NDUFAF5: variants seen among roughly 807,000 people sequenced by gnomAD.
NDUFAF5 encodes arginine-hydroxylase NDUFAF5, mitochondrial.
Under a neutral mutation model 48.9 loss-of-function variants are expected in NDUFAF5, and 34 were observed. The observed-to-expected ratio is 0.70, with a 90% CI of 0.53 to 0.93. The LOEUF (loss-of-function observed/expected upper bound fraction) is 0.93. Ranked by LOEUF, NDUFAF5 falls within the 40% of genes least tolerant of loss-of-function variation. The pLI is 0.00. For missense variants in NDUFAF5, 428 were observed against 427.5 expected (o/e 1.00, Z -0.01); for synonymous variants, 153 against 150.6 (o/e 1.02, Z -0.12).
chr20:13,815,209 G>A (rs1600393362), intron 8 of NDUFAF5, among the ~76,000 whole-genome samples: 1 of 152,138 alleles, frequency 6.6e-6, no homozygotes, highest in African/African-American at 2.4e-5. Flanking sequence ...CACCATACCT[G>A]AGCCAACAGA....
chr20:13,815,707 T>C (rs1200301075), intron 8 of NDUFAF5, among the ~76,000 whole-genome samples: 1 of 152,204 alleles, frequency 6.6e-6, no homozygotes, highest in Non-Finnish European at 1.5e-5. Flanking sequence ...AGAGAATACA[T>C]ATGAAGGATT....
chr20:13,786,332 T>C (rs189766833), intron 1 of NDUFAF5, among the ~76,000 whole-genome samples: 8 of 152,308 alleles, frequency 5.3e-5, no homozygotes, highest in African/African-American at 1.9e-4. Flanking sequence ...AATAAATTTT[T>C]TGTGTCTCAC....
At chr20:13,802,262 A>G (rs1031317830) in intron 7 of NDUFAF5, among the ~76,000 whole-genome samples, 1 of 152,222 alleles carries the variant, frequency 6.6e-6, no homozygotes, top group Admixed American at 6.5e-5. Flanking sequence ...GTGACGGGGT[A>G]GGACAGTAGG....
chr20:13,814,608 C>A, intron 8 of NDUFAF5: 1 of 596,498 alleles, frequency 1.7e-6, no homozygotes, highest in Non-Finnish European at 2.7e-6. Flanking sequence ...TTGAACTTCA[C>A]CTTAAAAACA....
intron 7 of NDUFAF5, among the ~76,000 whole-genome samples, chr20:13,806,489 C>T (rs1387387898): frequency 6.6e-6 from 1 of 151,870 alleles, no homozygotes; most frequent in Non-Finnish European, 1.5e-5. Context: ...AGCCTGGGCG[C>T]TGGGTGGCAA....
chr20:13,794,194 A>G (rs1982797442), intron 4 of NDUFAF5, among the ~76,000 whole-genome samples: 1 of 152,064 alleles, frequency 6.6e-6, no homozygotes, highest in African/African-American at 2.4e-5. Flanking sequence ...ATGTTTACCT[A>G]GGCTTTTTCA....
At chr20:13,798,408 A>T in intron 5 of NDUFAF5, 53 bp from the exon 6 acceptor site, 2 of 1,284,224 alleles carry the variant, frequency 1.6e-6, no homozygotes, top group Non-Finnish European at 2.3e-6. Context: ...TGATAATTTT[A>T]CTAATTAATT....
At position 13,798,479 on chromosome 20, in the gene NDUFAF5, C is replaced by T. The variant is rs1392682934; in HGVS notation, c.498C>T (p.Asp166=). 1.2e-6 allele frequency: 2 copies of T among 1,611,394 alleles called. No homozygotes were observed. Among genetic ancestry groups the T allele is most frequent in the Non-Finnish European group, 1.7e-6 (2 of 1,177,798 alleles). ...ATTTTAGTTTGCATTGGGTGAATGACCTTCCTAGAGCACTTGAGCAGGTAA... is the reference window on the plus strand; with the variant it reads ...ATTTTAGTTTGCATTGGGTGAATGATCTTCCTAGAGCACTTGAGCAGGTAA... The part of the protein sequence containing the change: ...VSSLSLHWVN[D]LPRALEQIHY... Residue 166 remains aspartate (D), a synonymous_variant, in exon 6 of 11, where the codon GAC becomes GAT. Transcript: ENST00000378106.
chr20:13,799,561 T>A (rs1272835752), intron 6 of NDUFAF5, among the ~76,000 whole-genome samples: 1 of 151,966 alleles, frequency 6.6e-6, no homozygotes, highest in Non-Finnish European at 1.5e-5. Flanking sequence ...TAGCCAGGTG[T>A]GGTGGCAGGT....
chr20:13,818,184 T>C lies in NDUFAF5; in HGVS notation c.*974T>C, dbSNP rs1986714912. 1 of 454,126 alleles carries C rather than the reference T, an allele frequency of 2.2e-6. No homozygotes were observed. Among genetic ancestry groups the C allele is most frequent in the African/African-American group, 2.0e-5 (1 of 50,118 alleles). 28.1% of individuals were successfully genotyped at this position (454,126 alleles called of 1,614,324 possible). The stretch of plus-strand genomic sequence containing the variant: ...CAACAAGCTGTCCATGGGTGGGGGC[T>C]GTGTGTTAGCCTGTACGTAGCACAT... On this transcript the variant is annotated 3_prime_UTR_variant, in exon 11 of 11. Coordinates refer to ENST00000378106, the MANE Select transcript of NDUFAF5 (RefSeq NM_024120.5).
At chr20:13,789,574 C>A (rs1981917015) in intron 3 of NDUFAF5, among the ~76,000 whole-genome samples, 1 of 151,808 alleles carries the variant, frequency 6.6e-6, no homozygotes, top group South Asian at 2.1e-4. Context: ...CTTCCAGGTT[C>A]ATGCCATTCT....
At chr20:13,805,849 C>T (rs1435288394) in intron 7 of NDUFAF5, among the ~76,000 whole-genome samples, 2 of 151,932 alleles carry the variant, frequency 1.3e-5, no homozygotes, top group African/African-American at 4.8e-5. Flanking sequence ...AAGGATTGAG[C>T]CTGGGACGTT....
At chr20:13,808,325 T>C (rs1600378465) in intron 7 of NDUFAF5, among the ~76,000 whole-genome samples, 1 of 152,264 alleles carries the variant, frequency 6.6e-6, no homozygotes, top group Non-Finnish European at 1.5e-5. Flanking sequence ...GAGGAAGTCA[T>C]TACCCAATTG....
At chr20:13,789,367 G>A (rs188580246) in intron 3 of NDUFAF5, among the ~76,000 whole-genome samples, 1 of 152,212 alleles carries the variant, frequency 6.6e-6, no homozygotes, top group African/African-American at 2.4e-5. Context: ...GTTTCACCAT[G>A]TTGGCAAGGC....
Position 13,818,442 on chromosome 20 carries a change from GGT to G in NDUFAF5, c.*1233_*1234del. ...TAGAATTTGGCGTTTTGTTTTTTGG[GGT>G]TTTTTTTTTTTTTAGCTTAATTTTC... On this transcript the variant is annotated 3_prime_UTR_variant, in exon 11 of 11. Coordinates refer to ENST00000378106, the MANE Select transcript of NDUFAF5 (RefSeq NM_024120.5). 1 of 325,472 alleles carries G rather than the reference GGT, an allele frequency of 3.1e-6. No homozygotes were observed. The highest frequency in any genetic ancestry group is 5.9e-6 in the Non-Finnish European group (1 of 169,368). The allele number at this position is 325,472 out of a possible 1,614,324, so 20.2% of individuals were successfully genotyped here. A position where few individuals can be genotyped will look rare whatever the true frequency, so the allele number is the denominator to read the frequency against.
chr20:13,794,280 T>A (rs1382127327), intron 4 of NDUFAF5, among the ~76,000 whole-genome samples: 1 of 152,056 alleles, frequency 6.6e-6, no homozygotes, highest in Non-Finnish European at 1.5e-5. Flanking sequence ...TTCAGCCTTC[T>A]TTTTTCTTTT....
intron 9 of NDUFAF5, 88 bp from the exon 10 acceptor site, chr20:13,816,787 A>T: frequency 1.1e-6 from 1 of 881,096 alleles, no homozygotes; most frequent in South Asian, 1.3e-5. Context: ...CCTTGTACCC[A>T]TTTCTTTTTG....
chr20:13,815,166 C>A (rs1002498607), intron 8 of NDUFAF5, among the ~76,000 whole-genome samples: 15 of 152,160 alleles, frequency 9.9e-5, no homozygotes, highest in Non-Finnish European at 1.9e-4. Context: ...CATAATTAAG[C>A]CATAGCAGCG....
chr20:13,785,275 C>T lies in NDUFAF5; in HGVS notation c.207C>T (p.Asp69=), dbSNP rs546777749. 12 of 1,595,248 alleles carry T rather than the reference C, an allele frequency of 7.5e-6. No homozygotes were observed. Among genetic ancestry groups the T allele is most frequent in the Middle Eastern group, 1.7e-4 (1 of 6,032 alleles). Residue 69 remains aspartate, a synonymous_variant, in exon 1 of 11, where the codon GAC becomes GAT. Coordinates refer to ENST00000378106, the MANE Select transcript of NDUFAF5 (RefSeq NM_024120.5). ...GGCAGCCCGAGCCGACCAAATTTGA[C>T]TACCTGAAGGAGGAGGTGAGCCCGC... ...AARQPEPTKF[D]YLKEEVGSRI...
Sources: gnomAD v4.1 joint callset for allele counts (sites outside exome capture counted in the v4.1 genomes callset) on GRCh38, gnomAD v4.1.1 for gene constraint, MANE v1.5 for transcripts, NCBI Gene and HGNC (gene_info 2026-07-23, HGNC 2026-07-21) for gene names.